INPP5A: variants seen among roughly 807,000 people sequenced by gnomAD.
INPP5A encodes the protein 43 kDa inositol polyphosphate 5-phophatase.
INPP5A carries 14 observed loss-of-function variants against 65.2 expected under a neutral mutation model. The ratio of observed to expected loss-of-function variants is 0.21; its 90% CI spans 0.14 to 0.34. The LOEUF is 0.34. Ranked by LOEUF, INPP5A falls within the 10% of genes least tolerant of loss-of-function variation. The probability of loss-of-function intolerance (pLI) is 1.00; values close to 1 mark genes in which losing one functional copy is unlikely to be tolerated. For missense variants in INPP5A, 431 were observed against 545.6 expected, an observed-to-expected ratio of 0.79 and a Z score of 2.09; for synonymous variants, 207 against 208.3, an observed-to-expected ratio of 0.99 and a Z score of 0.05.
chr10:132,751,345 C>T (rs1846473029), intron 11 of INPP5A, among the ~76,000 whole-genome samples: 1 of 152,264 alleles, frequency 6.6e-6, no homozygotes, highest in Non-Finnish European at 1.5e-5. Flanking sequence ...TCAGCCTGGG[C>T]AAGCCTAAGG....
At chr10:132,733,432 G>A (rs1348605346) in intron 9 of INPP5A, among the ~76,000 whole-genome samples, 1 of 152,192 alleles carries the variant, frequency 6.6e-6, no homozygotes, top group African/African-American at 2.4e-5. Flanking sequence ...TTATTTGTTG[G>A]TGGTGATTAA....
rs1182722913 is a variant in INPP5A, at chr10:132,741,608, C to A, written c.733-7909C>A. ...GAGGCTGCTGTCCACTCTGCAGAACCCCGGCCCTCGTCACACCCAGAACAG... is the reference window on the plus strand; with the variant it reads ...GAGGCTGCTGTCCACTCTGCAGAACACCGGCCCTCGTCACACCCAGAACAG... On this transcript the variant is annotated intron_variant, in intron 9 of 15. Transcript: ENST00000368594. The surrounding 1 kb of genome is among the most constrained non-coding windows in gnomAD (Gnocchi z 4.4). Among the ~76,000 whole-genome samples, 2 of 152,202 alleles carry A rather than the reference C, an allele frequency of 1.3e-5. No homozygotes were observed. Among genetic ancestry groups the A allele is most frequent in the African/African-American group, 2.4e-5 (1 of 41,450 alleles).
chr10:132,676,859 C>A lies in INPP5A; in HGVS notation c.307-13533C>A, dbSNP rs1458051328. The stretch of plus-strand genomic sequence containing the variant: ...CTTGACCCTGCCCTTTTCTCTGGCT[C>A]CAGCTCCTCCTTGGCAAGCTGAGTC... On this transcript the variant is annotated intron_variant, in intron 4 of 15. Transcript: ENST00000368594. The surrounding 1 kb of genome is among the most constrained non-coding windows in gnomAD (Gnocchi z 4.0). Among the ~76,000 whole-genome samples the A allele has an allele frequency of 6.6e-6, 1 of 152,220 alleles. No individual in the cohort carries two copies. The highest frequency in any genetic ancestry group is 2.4e-5 in the African/African-American group (1 of 41,464).
chr10:132,588,123 A>G (rs1047529333), intron 1 of INPP5A, among the ~76,000 whole-genome samples: 2 of 152,092 alleles, frequency 1.3e-5, no homozygotes, highest in African/African-American at 4.8e-5. Flanking sequence ...TTGCTAGCAG[A>G]CATCTTTTGG....
intron 9 of INPP5A, among the ~76,000 whole-genome samples, chr10:132,749,206 C>T (rs1846426075): frequency 1.3e-5 from 2 of 152,274 alleles, no homozygotes; most frequent in South Asian, 4.1e-4. Context: ...CTCAGTGCTG[C>T]TGTGCCTTCC....
chr10:132,734,018 C>A (rs1846133021), intron 9 of INPP5A, among the ~76,000 whole-genome samples: 1 of 152,242 alleles, frequency 6.6e-6, no homozygotes. Context: ...AGGGCCCAGG[C>A]AGCGTCTCCT....
At chr10:132,559,182 T>G (rs1334232371) in intron 1 of INPP5A, among the ~76,000 whole-genome samples, 2 of 152,178 alleles carry the variant, frequency 1.3e-5, no homozygotes, top group Non-Finnish European at 2.9e-5. Context: ...TGCCCGCCGC[T>G]CGGGGCCGTC....
chr10:132,656,634 C>T (rs2072660271), intron 4 of INPP5A, among the ~76,000 whole-genome samples: 2 of 152,186 alleles, frequency 1.3e-5, no homozygotes, highest in African/African-American at 4.8e-5. Flanking sequence ...CCCTCTGTGG[C>T]CACATAGACA....
At chr10:132,557,509 G>C (rs965358200) in intron 1 of INPP5A, among the ~76,000 whole-genome samples, 1 of 152,260 alleles carries the variant, frequency 6.6e-6, no homozygotes, top group Non-Finnish European at 1.5e-5. Context: ...GCTCTCAGCT[G>C]CTGGTTCAGC....
chr10:132,647,554 C>G (rs2072514015), intron 3 of INPP5A, among the ~76,000 whole-genome samples: 1 of 152,210 alleles, frequency 6.6e-6, no homozygotes. Context: ...TGGGTTCTCA[C>G]CCAGCTCGAC....
intron 9 of INPP5A, among the ~76,000 whole-genome samples, chr10:132,738,292 C>T (rs1013409194): frequency 2.6e-5 from 4 of 152,226 alleles, no homozygotes; most frequent in African/African-American, 2.4e-5. Flanking sequence ...TAGCCTCATT[C>T]GTCCTCCTCC....
Position 132,550,582 on chromosome 10 carries a change from T to C in INPP5A, c.75+12411T>C, listed in dbSNP as rs1216303420. Among the ~76,000 whole-genome samples the C allele has an allele frequency of 6.6e-6, 1 of 152,218 alleles. No individual in the cohort carries two copies. Among genetic ancestry groups the C allele is most frequent in the Non-Finnish European group, 1.5e-5 (1 of 68,038 alleles). ...TGAGAGGGCCTGGCTGTGAGCCGCA[T>C]GGTACGAACCTTCTGAATGCAAGTG... On this transcript the variant is annotated intron_variant, in intron 1 of 15. Coordinates refer to ENST00000368594, the MANE Select transcript of INPP5A (RefSeq NM_005539.5). The surrounding 1 kb of genome is among the most constrained non-coding windows in gnomAD (Gnocchi z 4.2).
chr10:132,697,972 C>G lies in INPP5A; in HGVS notation c.474+53C>G. 1 of 1,193,786 alleles carries G rather than the reference C, an allele frequency of 8.4e-7. No homozygotes were observed. The highest frequency in any genetic ancestry group is 1.2e-6 in the Non-Finnish European group (1 of 805,492). The allele number at this position is 1,193,786 out of a possible 1,614,324, so 73.9% of individuals were successfully genotyped here. A position where few individuals can be genotyped will look rare whatever the true frequency, so the allele number is the denominator to read the frequency against. ...TGTTTACTTCTCAGAGTGAGCCAGTCAGAAGTGACATGGAACACGGAATTT... is the reference window on the plus strand; with the variant it reads ...TGTTTACTTCTCAGAGTGAGCCAGTGAGAAGTGACATGGAACACGGAATTT... On this transcript the variant is annotated intron_variant, in intron 6 of 15. Transcript: ENST00000368594. The surrounding 1 kb of genome is among the most constrained non-coding windows in gnomAD (Gnocchi z 5.6).
intron 9 of INPP5A, among the ~76,000 whole-genome samples, chr10:132,745,102 T>G (rs942587693): frequency 2.1e-4 from 32 of 152,314 alleles, no homozygotes; most frequent in Admixed American, 1.8e-3. Flanking sequence ...TGGGCGGTTC[T>G]GGGAGGGCCT....
chr10:132,600,595 G>A (rs72860317), intron 1 of INPP5A, among the ~76,000 whole-genome samples: 12,294 of 152,174 alleles, frequency 0.081, 626 homozygotes, highest in Middle Eastern at 0.11. Context: ...CCACATATTC[G>A]GGTATCTTTT....
intron 12 of INPP5A, among the ~76,000 whole-genome samples, chr10:132,774,825 G>A (rs993607514): frequency 1.4e-5 from 2 of 140,230 alleles, no homozygotes; most frequent in South Asian, 2.4e-4. Flanking sequence ...AGGAGAGAGG[G>A]GCACGGAGGA....
At chr10:132,757,162 C>G (rs1286376355) in intron 11 of INPP5A, among the ~76,000 whole-genome samples, 1 of 152,188 alleles carries the variant, frequency 6.6e-6, no homozygotes, top group Non-Finnish European at 1.5e-5. Flanking sequence ...CATTATGTTA[C>G]TCTTAGCGTC....
In INPP5A at chr10:132,672,276, T is replaced by G. The variant is rs2072901024; in HGVS notation, c.307-18116T>G. Among the ~76,000 whole-genome samples, 4 of 152,196 alleles carry G rather than the reference T, an allele frequency of 2.6e-5. 1 individual carries two copies. In the South Asian group the frequency reaches 8.3e-4, roughly 31 times the overall value. On this transcript the variant is annotated intron_variant, in intron 4 of 15. Coordinates refer to ENST00000368594, the MANE Select transcript of INPP5A (RefSeq NM_005539.5). ...TATTGTCAACTTTATGAAATAATAT[T>G]TGGGTTGGCGATTGGTTTTGAAATG...
At chr10:132,776,449 C>A (rs746060530) in intron 12 of INPP5A, among the ~76,000 whole-genome samples, 4 of 152,210 alleles carry the variant, frequency 2.6e-5, no homozygotes, top group Non-Finnish European at 4.4e-5. Context: ...GCAGAATCCG[C>A]AGCTGAGGTG....
Sources: allele counts gnomAD v4.1 joint callset (sites outside exome capture counted in the v4.1 genomes callset), GRCh38; gene constraint gnomAD v4.1.1; non-coding constraint Gnocchi (gnomAD v3.1); transcripts MANE v1.5; gene names NCBI Gene and HGNC (gene_info 2026-07-23, HGNC 2026-07-21).